PDGFRL: variants seen among roughly 807,000 people sequenced by gnomAD.
PDGFRL encodes the protein platelet-derived growth factor receptor-like protein.
PDGFRL carries 46 observed loss-of-function variants against 37.2 expected under a neutral mutation model. The ratio of observed to expected loss-of-function variants is 1.24; its 90% confidence interval spans 0.98 to 1.58. The LOEUF is 1.58. Among genes scored for constraint, PDGFRL ranks in the 40% most tolerant of loss-of-function variants. The pLI is 0.00. For synonymous variants in PDGFRL, 251 were observed against 184.3 expected, an observed-to-expected ratio of 1.36 and a Z score of -2.93; for missense variants, 692 against 467.6, an observed-to-expected ratio of 1.48 and a Z score of -4.43.
chr8:17,640,294 T>C (rs1323354726), intron 5 of PDGFRL, among the ~76,000 whole-genome samples: 1 of 152,208 alleles, frequency 6.6e-6, no homozygotes, highest in Non-Finnish European at 1.5e-5. Context: ...AGGGATTTCT[T>C]TTTGGATTGG....
chr8:17,625,355 T>C (rs950551143), intron 3 of PDGFRL, among the ~76,000 whole-genome samples: 5 of 152,196 alleles, frequency 3.3e-5, no homozygotes, highest in Non-Finnish European at 7.3e-5. Flanking sequence ...TTTCACCATG[T>C]TGTCCAGGAG....
intron 4 of PDGFRL, among the ~76,000 whole-genome samples, chr8:17,633,160 T>G (rs934997587): frequency 4.6e-5 from 7 of 152,152 alleles, no homozygotes; most frequent in Non-Finnish European, 1.0e-4. Flanking sequence ...AAATTGCTCA[T>G]TAACACACCT....
At chr8:17,632,031 C>T (rs1271363660) in intron 4 of PDGFRL, among the ~76,000 whole-genome samples, 1 of 152,210 alleles carries the variant, frequency 6.6e-6, no homozygotes, top group East Asian at 1.9e-4. Flanking sequence ...GTCCTCCATC[C>T]TCCGCGTGCC....
At chr8:17,584,802 G>A (rs929811453) in intron 1 of PDGFRL, among the ~76,000 whole-genome samples, 1 of 151,556 alleles carries the variant, frequency 6.6e-6, no homozygotes, top group Non-Finnish European at 1.5e-5. Context: ...AAAAGTTCTT[G>A]GATCTCGTGT....
intron 1 of PDGFRL, among the ~76,000 whole-genome samples, chr8:17,588,511 TAA>T (rs58536582): frequency 5.4e-5 from 8 of 149,282 alleles, no homozygotes; most frequent in Admixed American, 3.3e-4. Context: ...GCCCCATCTT[TAA>T]AAAAAAAAAA....
At chr8:17,577,819 C>T (rs572507530) in intron 1 of PDGFRL, among the ~76,000 whole-genome samples, 5 of 151,594 alleles carry the variant, frequency 3.3e-5, no homozygotes, top group African/African-American at 7.3e-5. Context: ...TGCTTGAATC[C>T]TGCAAGATCT....
In PDGFRL at chr8:17,623,344, G is replaced by T. The variant is rs547163393; in HGVS notation, c.505+2142G>T. The stretch of plus-strand genomic sequence containing the variant: ...GCAATCTCTTTGGATCTTCATTTTG[G>T]AACTCGCTACACAAGATTGTAAATG... On this transcript the variant is annotated intron_variant, in intron 3 of 5. Coordinates refer to ENST00000251630, the MANE Select transcript of PDGFRL (RefSeq NM_001372073.1). 2.0e-5 allele frequency among the ~76,000 whole-genome samples: 3 copies of T among 152,246 alleles called. No homozygotes were observed. The East Asian group carries it at 5.8e-4, about 29-fold the overall frequency.
intron 4 of PDGFRL, among the ~76,000 whole-genome samples, chr8:17,630,083 C>A (rs149527778): frequency 6.6e-6 from 1 of 152,304 alleles, no homozygotes; most frequent in Non-Finnish European, 1.5e-5. Context: ...TTGGGACACT[C>A]CCATGGGAGG....
intron 2 of PDGFRL, among the ~76,000 whole-genome samples, chr8:17,607,306 A>G (rs1414067596): frequency 6.6e-6 from 1 of 152,130 alleles, no homozygotes; most frequent in African/African-American, 2.4e-5. Flanking sequence ...TCATTAGAGT[A>G]GGGGAAATTG....
intron 4 of PDGFRL, among the ~76,000 whole-genome samples, chr8:17,629,447 G>T (rs946519691): frequency 6.6e-6 from 1 of 152,006 alleles, no homozygotes; most frequent in Non-Finnish European, 1.5e-5. Context: ...ACCCAAATCT[G>T]CTGTCTCCTA....
intron 2 of PDGFRL, among the ~76,000 whole-genome samples, chr8:17,604,876 G>C (rs1294146025): frequency 6.6e-6 from 1 of 152,208 alleles, no homozygotes; most frequent in African/African-American, 2.4e-5. Flanking sequence ...CCCTTTGGGA[G>C]GCTGAGGCGG....
intron 2 of PDGFRL, among the ~76,000 whole-genome samples, chr8:17,611,085 G>C (rs1014607485): frequency 2.4e-4 from 36 of 152,296 alleles, no homozygotes; most frequent in African/African-American, 8.7e-4. Context: ...TACGCAGTGG[G>C]AGGCATGCCA....
At chr8:17,578,551 C>T (rs982287327) in intron 1 of PDGFRL, among the ~76,000 whole-genome samples, 1 of 152,152 alleles carries the variant, frequency 6.6e-6, no homozygotes, top group African/African-American at 2.4e-5. Flanking sequence ...TAAAATGCTC[C>T]TGGCAGGCCC....
chr8:17,618,505 G>C (rs139632747), intron 2 of PDGFRL, among the ~76,000 whole-genome samples: 18 of 152,310 alleles, frequency 1.2e-4, no homozygotes, highest in African/African-American at 3.4e-4. Context: ...CATTGCACAA[G>C]GGGCTTTGTA....
chr8:17,589,967 C>A (rs889432631), intron 2 of PDGFRL, among the ~76,000 whole-genome samples: 12 of 151,982 alleles, frequency 7.9e-5, no homozygotes, highest in Non-Finnish European at 1.0e-4. Flanking sequence ...TGCGGTGGCT[C>A]ATGCCTGTAA....
intron 3 of PDGFRL, among the ~76,000 whole-genome samples, chr8:17,621,968 C>T (rs1585325711): frequency 6.6e-6 from 1 of 152,300 alleles, no homozygotes; most frequent in Admixed American, 6.5e-5. Context: ...CCATTCTGCT[C>T]AGCCCTGTTT....
intron 2 of PDGFRL, among the ~76,000 whole-genome samples, chr8:17,599,816 C>T (rs1804129647): frequency 6.6e-6 from 1 of 152,172 alleles, no homozygotes. Flanking sequence ...GTCCTCCTTC[C>T]CTGATCTACC....
intron 2 of PDGFRL, among the ~76,000 whole-genome samples, chr8:17,592,497 C>T (rs1320924658): frequency 6.6e-6 from 1 of 152,196 alleles, no homozygotes; most frequent in Non-Finnish European, 1.5e-5. Context: ...CCAGCATCCT[C>T]ATATGGCAGT....
At chr8:17,577,079 A>G (rs1803598535), upstream of PDGFRL, 1 of 950,458 alleles carries the variant, frequency 1.1e-6, no homozygotes. Context: ...TTACACAGAG[A>G]ACTAAAAAAA....
Sources: gnomAD v4.1 joint callset for allele counts (sites outside exome capture counted in the v4.1 genomes callset) on GRCh38, gnomAD v4.1.1 for gene constraint, MANE v1.5 for transcripts, NCBI Gene and HGNC (gene_info 2026-07-23, HGNC 2026-07-21) for gene names.